The following DHRSX variants were observed in gnomAD, a reference collection of about 807,000 sequenced individuals.
DHRSX encodes dehydrogenase/reductase X-linked.
A neutral mutation model predicts 34.0 loss-of-function variants in DHRSX; 31 were observed. The observed-to-expected ratio is 0.91, with a 90% CI of 0.69 to 1.23. DHRSX has a LOEUF of 1.23. DHRSX is among the 50% of genes most tolerant of loss of function. The probability of loss-of-function intolerance (pLI) is 0.00; values close to 1 mark genes in which losing one functional copy is unlikely to be tolerated. For missense variants in DHRSX, 414 were observed against 428.1 expected (o/e 0.97, Z 0.29); for synonymous variants, 201 against 183.8 (o/e 1.09, Z -0.76).
At chrX:2,245,695 T>C (rs62595479) in intron 5 of DHRSX, among the ~76,000 whole-genome samples, 103,022 of 147,308 alleles carry the variant, frequency 0.7, 36,961 homozygotes, top group African/African-American at 0.77. Flanking sequence ...CAGTGGCTCA[T>C]GCCTGTAATC....
At chrX:2,253,516 A>C (rs1336758623) in intron 5 of DHRSX, among the ~76,000 whole-genome samples, 1 of 152,208 alleles carries the variant, frequency 6.6e-6, no homozygotes, top group African/African-American at 2.4e-5. Flanking sequence ...TGGGAGGCGG[A>C]CATGGCCGTG....
intron 1 of DHRSX, among the ~76,000 whole-genome samples, chrX:2,478,843 A>G (rs375932148): frequency 2.5e-4 from 38 of 152,126 alleles, no homozygotes; most frequent in African/African-American, 8.2e-4. Context: ...GACGCTCCCT[A>G]AGAATGTGGC....
chrX:2,289,122 AT>A (rs752457468), intron 4 of DHRSX, among the ~76,000 whole-genome samples: 750 of 142,476 alleles, frequency 5.3e-3, no homozygotes, highest in African/African-American at 8.2e-3. Flanking sequence ...GACATTCCTA[AT>A]TTTTTTTTTT....
intron 3 of DHRSX, among the ~76,000 whole-genome samples, chrX:2,329,576 A>G (rs2042431713): frequency 6.6e-6 from 1 of 152,058 alleles, no homozygotes; most frequent in South Asian, 2.1e-4. Context: ...AGGCATAGAT[A>G]TTTTCCTGAA....
At chrX:2,291,653 C>G in intron 3 of DHRSX, 50 bp from the exon 4 acceptor site, 1 of 1,386,246 alleles carries the variant, frequency 7.2e-7, no homozygotes. Flanking sequence ...CAACCTATTT[C>G]AGAGATTAAG....
chrX:2,357,432 T>C (rs966900090), intron 3 of DHRSX, among the ~76,000 whole-genome samples: 2 of 152,020 alleles, frequency 1.3e-5, no homozygotes, highest in African/African-American at 2.4e-5. Context: ...TATTTTTAAA[T>C]GCCCATATGT....
At chrX:2,319,074 A>C (rs1272211326) in intron 3 of DHRSX, among the ~76,000 whole-genome samples, 1 of 152,000 alleles carries the variant, frequency 6.6e-6, no homozygotes, top group Non-Finnish European at 1.5e-5. Context: ...AACTATTTCC[A>C]CATCTTTTAA....
chrX:2,368,132 A>G (rs772181847), intron 3 of DHRSX, among the ~76,000 whole-genome samples: 2 of 151,876 alleles, frequency 1.3e-5, no homozygotes, highest in South Asian at 4.2e-4. Flanking sequence ...AATCCCAGCT[A>G]CTCAGGAGGC....
intron 4 of DHRSX, among the ~76,000 whole-genome samples, chrX:2,287,553 T>C (rs1388642730): frequency 1.2e-4 from 13 of 112,150 alleles, no homozygotes; most frequent in East Asian, 2.7e-4. Flanking sequence ...AAGATGTCCA[T>C]ATCCGAATCC....
intron 3 of DHRSX, among the ~76,000 whole-genome samples, chrX:2,339,189 G>A (rs1446879418): frequency 1.3e-5 from 2 of 151,800 alleles, no homozygotes; most frequent in South Asian, 2.1e-4. Flanking sequence ...AGGCTGGAGC[G>A]CAGTGGCATG....
chrX:2,231,213 G>C (rs1261331211), intron 6 of DHRSX, among the ~76,000 whole-genome samples: 2 of 152,082 alleles, frequency 1.3e-5, no homozygotes, highest in African/African-American at 2.4e-5. Flanking sequence ...GAGTCTGTTA[G>C]AGCCACCAGA....
chrX:2,491,359 C>T (rs955756569), intron 1 of DHRSX, among the ~76,000 whole-genome samples: 10 of 152,144 alleles, frequency 6.6e-5, no homozygotes, highest in African/African-American at 2.2e-4. Context: ...CGTGAGTCAC[C>T]GCGCCCAGCC....
At chrX:2,304,022 C>T (rs1213005604) in intron 3 of DHRSX, among the ~76,000 whole-genome samples, 4 of 43,270 alleles carry the variant, frequency 9.2e-5, no homozygotes, top group Non-Finnish European at 1.2e-4. Context: ...GATGGATGAA[C>T]TGATGGATGG....
chrX:2,291,795 C>T (rs974355053), intron 3 of DHRSX, among the ~76,000 whole-genome samples, 192 bp from the exon 4 acceptor site: 3 of 151,982 alleles, frequency 2.0e-5, no homozygotes, highest in African/African-American at 7.3e-5. Flanking sequence ...CTCACTGCAG[C>T]CTCTGCTTCC....
intron 1 of DHRSX, chrX:2,487,117 T>G (rs182618423): frequency 9.0e-4 from 137 of 152,360 alleles, no homozygotes; most frequent in African/African-American, 2.9e-3. Context: ...TTCTACATGT[T>G]GGAAAACGTC....
chrX:2,422,214 G>C (rs998873029), intron 2 of DHRSX, among the ~76,000 whole-genome samples: 4 of 152,218 alleles, frequency 2.6e-5, no homozygotes, highest in African/African-American at 9.6e-5. Context: ...AGGGAAAGAA[G>C]GACAGAGAAT....
chrX:2,383,613 C>A (rs889083540), intron 3 of DHRSX, among the ~76,000 whole-genome samples: 4 of 152,180 alleles, frequency 2.6e-5, no homozygotes, highest in Admixed American at 6.5e-5. Context: ...AAAATATTTT[C>A]CTGTATTTTA....
chrX:2,490,348 C>T, intron 1 of DHRSX: 1 of 1,613,400 alleles, frequency 6.2e-7, no homozygotes, highest in Non-Finnish European at 8.5e-7. Flanking sequence ...CCGTCAGCTC[C>T]TGCTGCTTCT....
intron 5 of DHRSX, among the ~76,000 whole-genome samples, chrX:2,260,416 A>G (rs2041347515): frequency 6.7e-6 from 1 of 149,998 alleles, no homozygotes; most frequent in South Asian, 2.1e-4. Flanking sequence ...CTCCATCTCC[A>G]TGTGGCCTTC....
Sources: allele counts gnomAD v4.1 joint callset (sites outside exome capture counted in the v4.1 genomes callset), GRCh38; gene constraint gnomAD v4.1.1; transcripts MANE v1.5; gene names NCBI Gene and HGNC (gene_info 2026-07-23, HGNC 2026-07-21).